The following INCENP variants were observed in gnomAD, a reference collection of about 807,000 sequenced individuals.
The protein encoded by INCENP is binds and activates aurora-B and -C in vivo and in vitro.
In INCENP, 43 loss-of-function variants were observed where a neutral mutation model predicts 107.3. The ratio of observed to expected loss-of-function variants is 0.40; its 90% confidence interval spans 0.31 to 0.52. The LOEUF is 0.52. Among genes scored for constraint, INCENP ranks in the 20% least tolerant of loss-of-function variants. The probability of loss-of-function intolerance (pLI) is 0.53; values close to 1 mark genes in which losing one functional copy is unlikely to be tolerated. For missense variants in INCENP, 1,089 were observed against 1,250.9 expected, an observed-to-expected ratio of 0.87 and a Z score of 1.95; for synonymous variants, 488 against 494.4, an observed-to-expected ratio of 0.99 and a Z score of 0.17.
rs925516718 is a variant in INCENP at position 62,144,908 on chromosome 11, G to C, written c.1606-74G>C. The C allele has an allele frequency of 2.7e-5, 36 of 1,353,968 alleles. No individual in the cohort carries two copies. The African/African-American group carries it at 4.9e-4, about 18-fold the overall frequency. 83.9% of individuals were successfully genotyped at this position (1,353,968 alleles called of 1,614,324 possible). ...ACGTGGCTGCAGGCTGCTGGGGACT[G>C]TGGGCAGCTTTTGGGGCTGGGTGGG... On this transcript the variant is annotated intron_variant, in intron 11 of 18. Coordinates refer to ENST00000394818, the MANE Select transcript of INCENP (RefSeq NM_001040694.2).
intron 13 of INCENP, 61 bp downstream of exon 13, chr11:62,145,350 G>A: frequency 6.2e-7 from 1 of 1,602,526 alleles, no homozygotes; most frequent in Non-Finnish European, 8.5e-7. Flanking sequence ...GTTAGGACTG[G>A]ACCCCTCAGG....
rs532769408 is a variant in INCENP, at chr11:62,150,161, C to T, written c.2496C>T (p.Thr832=). The part of the protein sequence containing the change: ...YGMDLNSDDS[T]DDEAHPRKPI... ...TGGATCTGAATAGCGACGACTCCAC[C>T]GATGATGAGGCCCATCCCCGGAAGC... Residue 832 remains threonine (T), a synonymous_variant, in exon 18 of 19, where the codon ACC becomes ACT. Transcript: ENST00000394818. 3.3e-5 allele frequency: 54 copies of T among 1,614,064 alleles called. No homozygotes were observed. The South Asian group carries it at 5.3e-4, about 16-fold the overall frequency.
intron 11 of INCENP, among the ~76,000 whole-genome samples, chr11:62,142,787 G>A (rs1275005486): frequency 6.6e-6 from 1 of 152,216 alleles, no homozygotes; most frequent in Non-Finnish European, 1.5e-5. Context: ...GTCAGCCTGG[G>A]ACTTGGCAGG....
chr11:62,138,530 C>T (rs1369222915), intron 5 of INCENP, among the ~76,000 whole-genome samples, 183 bp from the exon 6 acceptor site: 1 of 152,182 alleles, frequency 6.6e-6, no homozygotes, highest in Admixed American at 6.5e-5. Flanking sequence ...CTCGTCTGTC[C>T]ATGGAGCCAT....
In INCENP at chr11:62,130,311, G is replaced by C; in HGVS notation, c.784G>C (p.Val262Leu). 6.2e-7 allele frequency: 1 copy of C among 1,611,596 alleles called. No homozygotes were observed. Among genetic ancestry groups the C allele is most frequent in the Non-Finnish European group, 8.5e-7 (1 of 1,180,016 alleles). ...TGCGTCTAAGCTCAGGATTGCGCAG[G>C]TCTCCCCTGGCCCACGGGACTCGCC... ...RSASKLRIAQ[V>L]SPGPRDSPAF... The change falls in exon 4 of 19, where the codon GTC (valine) becomes CTC (leucine). Residue 262 changes from valine (V) to leucine (L), a missense_variant. Transcript: ENST00000394818.
At chr11:62,140,503 G>A (rs1316339853) in intron 8 of INCENP, among the ~76,000 whole-genome samples, 2 of 152,216 alleles carry the variant, frequency 1.3e-5, no homozygotes, top group African/African-American at 4.8e-5. Flanking sequence ...CCGTCTTAGT[G>A]TGGTCTCCTG....
chr11:62,145,625 G>A lies in INCENP; in HGVS notation c.1837-4G>A. ...CAATGGGCATGTGTGGGTGGGCTCT[G>A]CAGGCCAAGGAGGAGCGGCTGGCAG... On this transcript the variant is annotated splice_polypyrimidine_tract_variant and splice_region_variant and intron_variant, in intron 13 of 18. Coordinates refer to ENST00000394818, the MANE Select transcript of INCENP (RefSeq NM_001040694.2). 2 of 1,593,264 alleles carry A rather than the reference G, an allele frequency of 1.3e-6. No individual in the cohort carries two copies. The highest frequency in any genetic ancestry group is 1.7e-6 in the Non-Finnish European group (2 of 1,170,086).
chr11:62,148,525 C>T lies in INCENP; in HGVS notation c.2254C>T (p.Gln752Ter). The T allele has an allele frequency of 6.2e-7, 1 of 1,608,186 alleles. No homozygotes were observed. The highest frequency in any genetic ancestry group is 8.5e-7 in the Non-Finnish European group (1 of 1,178,194). The change falls in exon 16 of 19, where the codon CAG becomes TAG. Residue 752 changes from glutamine to a stop codon, truncating the protein, a stop_gained. Coordinates refer to ENST00000394818, the MANE Select transcript of INCENP (RefSeq NM_001040694.2). LOFTEE classifies it high-confidence loss of function. ...CCTGCGGCTGCAGAAGGAGCAGCTG[C>T]AGAGGGAACTGGAGGAGAAGAAGAA... is the stretch of plus-strand genomic sequence containing the variant. Reference protein sequence around the residue: ...KALRLQKEQLQRELEEKKKKE... With the variant: ...KALRLQKEQL
Position 62,148,504 on chromosome 11 carries a change from C to T in INCENP, c.2233C>T (p.Arg745Trp), listed in dbSNP as rs550675425. The change falls in exon 16 of 19, where the codon CGG becomes TGG. Residue 745 changes from arginine (R) to tryptophan (W), a missense_variant. Transcript: ENST00000394818. ...RELQEREKAL[R>W]LQKEQLQREL... ...GCTGCAGGAGCGGGAGAAGGCCCTG[C>T]GGCTGCAGAAGGAGCAGCTGCAGAG... The T allele has an allele frequency of 4.0e-5, 64 of 1,607,518 alleles. 1 individual carries two copies. The highest frequency in any genetic ancestry group is 2.4e-4 in the South Asian group (21 of 89,248).
intron 18 of INCENP, among the ~76,000 whole-genome samples, chr11:62,150,629 C>T (rs1047101625): frequency 1.6e-4 from 25 of 152,316 alleles, no homozygotes; most frequent in Non-Finnish European, 2.6e-4. Context: ...GAGCCTGGGG[C>T]TTCCAGCCAG....
Position 62,140,992 on chromosome 11 carries a change from G to T in INCENP, c.1541G>T (p.Ser514Ile), listed in dbSNP as rs1437707221. The T allele has an allele frequency of 3.7e-6, 6 of 1,614,112 alleles. No individual in the cohort carries two copies. The highest frequency in any genetic ancestry group is 5.1e-6 in the Non-Finnish European group (6 of 1,180,040). Residue 514 changes from serine (S) to isoleucine (I), a missense_variant, in exon 10 of 19, where the codon AGC becomes ATC. By Grantham distance (142) the Ser-to-Ile change is moderately radical (BLOSUM62 -2). Coordinates refer to ENST00000394818, the MANE Select transcript of INCENP (RefSeq NM_001040694.2). Reference protein sequence around the residue: ...MLMTPTSAPRSVMKSFIKRNT... With the variant: ...MLMTPTSAPRIVMKSFIKRNT... Reference sequence around the variant, plus strand: ...ATGACCCCGACCTCAGCCCCACGCAGCGTCATGAAGTCCTTTATTAAGCGC... The same window carrying T: ...ATGACCCCGACCTCAGCCCCACGCATCGTCATGAAGTCCTTTATTAAGCGC...
intron 7 of INCENP, 78 bp from the exon 8 acceptor site, chr11:62,140,156 C>T: frequency 7.8e-7 from 1 of 1,275,454 alleles, no homozygotes; most frequent in Non-Finnish European, 1.1e-6. Flanking sequence ...GCCCAAGGAC[C>T]CCTTCCCCCT....
Position 62,127,038 on chromosome 11 carries a change from G to T in INCENP, c.-11-1113G>T, listed in dbSNP as rs200812672. 8.1e-4 allele frequency among the ~76,000 whole-genome samples: 84 copies of T among 103,344 alleles called. 1 individual carries two copies. The highest frequency in any genetic ancestry group is 6.1e-3 in the Middle Eastern group (1 of 164). The allele number at this position is 103,344 out of a possible 152,430, so 67.8% of individuals were successfully genotyped here. Reference sequence around the variant, plus strand: ...TTTTGTAATGGCTATCAAGTTTTTTGTTTTGTTTTTTTTTTTTTGAGACAG... The same window carrying T: ...TTTTGTAATGGCTATCAAGTTTTTTTTTTTGTTTTTTTTTTTTTGAGACAG... On this transcript the variant is annotated intron_variant, in intron 1 of 18. Coordinates refer to ENST00000394818, the MANE Select transcript of INCENP (RefSeq NM_001040694.2).
Position 62,151,878 on chromosome 11 carries a change from C to A in INCENP, c.2659C>A (p.Arg887Ser), listed in dbSNP as rs372185540. 9 of 1,614,164 alleles carry A rather than the reference C, an allele frequency of 5.6e-6. No homozygotes were observed. Among genetic ancestry groups the A allele is most frequent in the Non-Finnish European group, 7.6e-6 (9 of 1,180,042 alleles). Residue 887 changes from arginine to serine, a missense_variant, in exon 19 of 19, where the codon CGC becomes AGC. Transcript: ENST00000394818. ...LEDIFKKSKPRYHKRTSSAVW... is the reference protein window; with the variant it reads ...LEDIFKKSKPSYHKRTSSAVW... ...GGATATCTTCAAGAAGAGCAAGCCC[C>A]GCTATCACAAGCGCACCAGCTCTGC...
In INCENP at chr11:62,146,974, A is replaced by G. The variant is rs867244271; in HGVS notation, c.2204+72A>G. ...GAGAGACGGTGTGAACCTTGCCTGGACACAGCCCCACCTGCATGTGACGGT... is the reference window on the plus strand; with the variant it reads ...GAGAGACGGTGTGAACCTTGCCTGGGCACAGCCCCACCTGCATGTGACGGT... On this transcript the variant is annotated intron_variant, in intron 15 of 18. Transcript: ENST00000394818. 1.4e-5 allele frequency: 22 copies of G among 1,571,732 alleles called. No individual in the cohort carries two copies. The Middle Eastern group carries it at 2.2e-3, about 158-fold the overall frequency.
chr11:62,145,895 A>T, intron 14 of INCENP, 144 bp downstream of exon 14: 1 of 1,034,012 alleles, frequency 9.7e-7, no homozygotes, highest in South Asian at 1.7e-5. Flanking sequence ...GTTTCCCAGA[A>T]GTCTCCAGGG....
chr11:62,135,771 G>A (rs981782160), intron 4 of INCENP, among the ~76,000 whole-genome samples: 8 of 152,044 alleles, frequency 5.3e-5, no homozygotes, highest in African/African-American at 9.7e-5. Flanking sequence ...TGGTGGATAC[G>A]CGCTTTTCAA....
At position 62,148,618 on chromosome 11, in the gene INCENP, C is replaced by T. The variant is rs1792883; in HGVS notation, c.2283+64C>T. 4.1e-3 allele frequency: 6,248 copies of T among 1,531,736 alleles called. 226 individuals carry two copies. The African/African-American group carries it at 0.075, about 18-fold the overall frequency. The allele number at this position is 1,531,736 out of a possible 1,614,324, so 94.9% of individuals were successfully genotyped here. A position where few individuals can be genotyped will look rare whatever the true frequency, so the allele number is the denominator to read the frequency against. ...CCTGAGCTGTGGGCGGGTCTGGACT[C>T]CTGCAGCAGGGGCTGCCTAGGGAGG... On this transcript the variant is annotated intron_variant, in intron 16 of 18. Transcript: ENST00000394818.
chr11:62,136,145 G>A (rs1943989300), intron 4 of INCENP, among the ~76,000 whole-genome samples: 1 of 152,160 alleles, frequency 6.6e-6, no homozygotes, highest in Non-Finnish European at 1.5e-5. Flanking sequence ...TTATTTTTGT[G>A]ATGGATTCAC....
Sources: allele counts gnomAD v4.1 joint callset (sites outside exome capture counted in the v4.1 genomes callset), GRCh38; gene constraint gnomAD v4.1.1; transcripts MANE v1.5; gene names NCBI Gene and HGNC (gene_info 2026-07-23, HGNC 2026-07-21).